NMT2: variants seen among roughly 807,000 people sequenced by gnomAD.
The protein encoded by NMT2 is glycylpeptide N-tetradecanoyltransferase 2.
A neutral mutation model predicts 65.4 loss-of-function variants in NMT2; 35 were observed. The observed-to-expected ratio is 0.54, with a 90% CI of 0.41 to 0.71. The LOEUF is 0.71. NMT2 is among the 30% of genes least tolerant of loss of function. NMT2 has a pLI of 0.00. For missense variants in NMT2, 489 were observed against 611.3 expected (o/e 0.80, Z 2.11); for synonymous variants, 226 against 231.8 (o/e 0.98, Z 0.23).
chr10:15,164,877 CA>C (rs1191933715), intron 1 of NMT2, among the ~76,000 whole-genome samples: 1 of 136,852 alleles, frequency 7.3e-6, no homozygotes, highest in Non-Finnish European at 1.6e-5. Flanking sequence ...ACTAAAAATA[CA>C]AAATTAGCCA....
chr10:15,128,459 C>T lies in NMT2; in HGVS notation c.891-1G>A. The stretch of plus-strand genomic sequence containing the variant: ...GGGGTTTAGTGATCGATGCCAGTAT[C>T]TGGAATACAATAAAGGTTTTAAAAT... On this transcript the variant is annotated splice_acceptor_variant, in intron 7 of 11. Transcript: ENST00000378165. LOFTEE classifies it high-confidence loss of function. 1 of 1,545,464 alleles carries T rather than the reference C, an allele frequency of 6.5e-7. No homozygotes were observed. Among genetic ancestry groups the T allele is most frequent in the Non-Finnish European group, 8.9e-7 (1 of 1,120,212 alleles).
chr10:15,112,935 A>G lies in NMT2; in HGVS notation c.1199T>C (p.Leu400Pro). Reference protein sequence around the residue: ...ESPNGKLTDFLSFYTLPSTVM... With the variant: ...ESPNGKLTDFPSFYTLPSTVM... ...CGTGGAGGGGAGCGTATAGAAGCTCAGGAAATCAGTCAGTTTACCGTTGGG... is the reference window on the plus strand; with the variant it reads ...CGTGGAGGGGAGCGTATAGAAGCTCGGGAAATCAGTCAGTTTACCGTTGGG... Residue 400 changes from leucine (L) to proline (P), a missense_variant, in exon 10 of 12, where the codon CTG becomes CCG. Transcript: ENST00000378165. 5 of 1,614,152 alleles carry G rather than the reference A, an allele frequency of 3.1e-6. No homozygotes were observed. Among genetic ancestry groups the G allele is most frequent in the Non-Finnish European group, 4.2e-6 (5 of 1,179,994 alleles).
intron 10 of NMT2, among the ~76,000 whole-genome samples, chr10:15,112,174 T>TTTTATATATA (rs1453766616): frequency 3.5e-5 from 1 of 28,874 alleles, no homozygotes; most frequent in Non-Finnish European, 6.4e-5. Context: ...GATATGGGCT[T>TTTTATATATA]TATATATATA....
intron 3 of NMT2, among the ~76,000 whole-genome samples, chr10:15,134,965 G>A (rs1846423724): frequency 6.6e-6 from 1 of 152,120 alleles, no homozygotes; most frequent in Admixed American, 6.6e-5. Context: ...CAGCCTGGGT[G>A]ATAGAGTGAG....
intron 11 of NMT2, among the ~76,000 whole-genome samples, 191 bp from the exon 12 acceptor site, chr10:15,109,406 C>G (rs1478585599): frequency 6.6e-6 from 1 of 152,082 alleles, no homozygotes; most frequent in Non-Finnish European, 1.5e-5. Context: ...CAAACCCCAT[C>G]TCTACTAAAA....
At position 15,108,136 on chromosome 10, in the gene NMT2, G is replaced by T; in HGVS notation, c.*1059C>A. On this transcript the variant is annotated 3_prime_UTR_variant, in exon 12 of 12. Coordinates refer to ENST00000378165, the MANE Select transcript of NMT2 (RefSeq NM_004808.3). ...TCCTTGATGTTGCTGAGAAGAAACT[G>T]AACTTTGCACAACAGCAGAAAAGTC... The T allele has an allele frequency of 2.0e-6, 2 of 983,700 alleles. No homozygotes were observed. Among genetic ancestry groups the T allele is most frequent in the Non-Finnish European group, 2.4e-6 (2 of 829,696 alleles). The allele number at this position is 983,700 out of a possible 1,614,324, so 60.9% of individuals were successfully genotyped here.
At chr10:15,131,747 A>G (rs1846294018) in intron 6 of NMT2, among the ~76,000 whole-genome samples, 3 of 152,334 alleles carry the variant, frequency 2.0e-5, no homozygotes, top group Admixed American at 2.0e-4. Flanking sequence ...AAAGAGACCA[A>G]TTATATATGA....
intron 9 of NMT2, among the ~76,000 whole-genome samples, chr10:15,114,999 C>A (rs1845698604): frequency 6.6e-6 from 1 of 151,310 alleles, no homozygotes; most frequent in Non-Finnish European, 1.5e-5. Context: ...AAGACACTGT[C>A]TCCAAAAAAA....
chr10:15,165,615 C>A (rs570125622), intron 1 of NMT2, among the ~76,000 whole-genome samples: 1 of 152,112 alleles, frequency 6.6e-6, no homozygotes, highest in Non-Finnish European at 1.5e-5. Flanking sequence ...CACTGGCTTA[C>A]ACCTGTAATC....
chr10:15,120,127 T>C (rs73604520), intron 8 of NMT2, among the ~76,000 whole-genome samples: 6,053 of 152,286 alleles, frequency 0.04, 386 homozygotes, highest in African/African-American at 0.14. Context: ...AGCATTTAGA[T>C]TGTATTTGAC....
intron 6 of NMT2, among the ~76,000 whole-genome samples, chr10:15,131,338 A>C (rs1846279791): frequency 7.0e-6 from 1 of 143,706 alleles, no homozygotes; most frequent in African/African-American, 2.6e-5. Context: ...CTTTTTTGAG[A>C]TGAGGTCTCG....
chr10:15,134,532 A>C (rs1846404410), intron 3 of NMT2, among the ~76,000 whole-genome samples: 1 of 152,164 alleles, frequency 6.6e-6, no homozygotes, highest in Non-Finnish European at 1.5e-5. Flanking sequence ...GCTCCTCCCC[A>C]GCCTGGCCAC....
chr10:15,106,231 G>A lies in NMT2; in HGVS notation c.*2964C>T, dbSNP rs905123955. 37 of 185,854 alleles carry A rather than the reference G, an allele frequency of 2.0e-4. No homozygotes were observed. Among genetic ancestry groups the A allele is most frequent in the African/African-American group, 8.2e-4 (34 of 41,628 alleles). 11.5% of individuals were successfully genotyped at this position (185,854 alleles called of 1,614,324 possible). A position where few individuals can be genotyped will look rare whatever the true frequency, so the allele number is the denominator to read the frequency against. On this transcript the variant is annotated 3_prime_UTR_variant, in exon 12 of 12. Transcript: ENST00000378165. ...CTGGTCTCAAGACTCCTGACCTCAAGTGATCTGCTCACCTTGGCCTCCCAA... is the reference window on the plus strand; with the variant it reads ...CTGGTCTCAAGACTCCTGACCTCAAATGATCTGCTCACCTTGGCCTCCCAA...
chr10:15,152,221 C>T (rs1439734080), intron 1 of NMT2, among the ~76,000 whole-genome samples: 1 of 152,190 alleles, frequency 6.6e-6, no homozygotes, highest in African/African-American at 2.4e-5. Flanking sequence ...TGGCGCTTTT[C>T]ACCAGGAAGC....
intron 9 of NMT2, 100 bp from the exon 10 acceptor site, chr10:15,113,063 G>C: frequency 8.1e-7 from 1 of 1,236,766 alleles, no homozygotes; most frequent in Non-Finnish European, 1.2e-6. Flanking sequence ...AGAACGAAAA[G>C]CAGTAAGTCA....
intron 2 of NMT2, among the ~76,000 whole-genome samples, chr10:15,140,398 A>G: frequency 6.6e-6 from 1 of 152,228 alleles, no homozygotes; most frequent in East Asian, 1.9e-4. Context: ...TGCTGGGACT[A>G]CAGGCATGAG....
In NMT2 at chr10:15,119,521, G is replaced by A; in HGVS notation, c.1000-8C>T. 1.9e-6 allele frequency: 3 copies of A among 1,612,022 alleles called. No homozygotes were observed. Among genetic ancestry groups the A allele is most frequent in the Middle Eastern group, 1.8e-4 (1 of 5,540 alleles). ...ACCTGAAGTCTTTGTAACCTTGTTGGAGGGGAAACAAAACAAATCCAGAAG... is the reference window on the plus strand; with the variant it reads ...ACCTGAAGTCTTTGTAACCTTGTTGAAGGGGAAACAAAACAAATCCAGAAG... On this transcript the variant is annotated splice_region_variant and splice_polypyrimidine_tract_variant and intron_variant, in intron 8 of 11. Transcript: ENST00000378165.
chr10:15,135,537 A>C, intron 2 of NMT2, 119 bp from the exon 3 acceptor site: 1 of 967,646 alleles, frequency 1.0e-6, no homozygotes, highest in Non-Finnish European at 1.6e-6. Context: ...ATCCTCCTCC[A>C]AGCCCAGTCA....
chr10:15,119,385 C>A lies in NMT2; in HGVS notation c.1128G>T (p.Trp376Cys). The part of the protein sequence containing the change: ...PVMDEEEVAH[W>C]FLPREHIIDT... ...CAATAATGTGCTCCCGGGGGAGGAA[C>A]CAGTGGGCTACTTCCTCTTCATCCA... Residue 376 changes from tryptophan (W) to cysteine (C), a missense_variant, in exon 9 of 12, where the codon TGG becomes TGT. Coordinates refer to ENST00000378165, the MANE Select transcript of NMT2 (RefSeq NM_004808.3). 6.2e-7 allele frequency: 1 copy of A among 1,614,112 alleles called. No homozygotes were observed. The highest frequency in any genetic ancestry group is 8.5e-7 in the Non-Finnish European group (1 of 1,180,014).
Sources: allele counts gnomAD v4.1 joint callset (sites outside exome capture counted in the v4.1 genomes callset), GRCh38; gene constraint gnomAD v4.1.1; transcripts MANE v1.5; gene names NCBI Gene and HGNC (gene_info 2026-07-23, HGNC 2026-07-21).